GRID1: variants seen among roughly 807,000 people sequenced by gnomAD.
GRID1 encodes glutamate ionotropic receptor delta type subunit 1.
A neutral mutation model predicts 98.0 loss-of-function variants in GRID1; 28 were observed. The ratio of observed to expected loss-of-function variants is 0.29; its 90% CI spans 0.21 to 0.39. GRID1 has a LOEUF of 0.39. Among genes scored for constraint, GRID1 ranks in the 10% least tolerant of loss-of-function variants. The pLI is 1.00. For missense variants in GRID1, 1,111 were observed against 1,340.5 expected (o/e 0.83, Z 2.67); for synonymous variants, 553 against 538.5 (o/e 1.03, Z -0.37).
At position 85,865,942 on chromosome 10, in the gene GRID1, T is replaced by TATAC. The variant is rs1199144734; in HGVS notation, c.951+3067_951+3068insGTAT. Among the ~76,000 whole-genome samples the TATAC allele has an allele frequency of 3.6e-4, 34 of 94,878 alleles. 1 individual carries two copies. The highest frequency in any genetic ancestry group is 2.9e-3 in the East Asian group (9 of 3,054). The allele number at this position is 94,878 out of a possible 152,430, so 62.2% of individuals were successfully genotyped here. A position where few individuals can be genotyped will look rare whatever the true frequency, so the allele number is the denominator to read the frequency against. On this transcript the variant is annotated intron_variant, in intron 6 of 15. Transcript: ENST00000327946. ...ATATATATATATATATATATATATA[T>TATAC]ACACATATATATGGAGAGAGAGAGA...
At chr10:86,025,028 T>G (rs1231057011) in intron 4 of GRID1, among the ~76,000 whole-genome samples, 1 of 152,158 alleles carries the variant, frequency 6.6e-6, no homozygotes, top group Non-Finnish European at 1.5e-5. Flanking sequence ...ACACACATGG[T>G]TTGAAACTGC....
chr10:85,936,524 A>AAG (rs1470889591), intron 4 of GRID1, among the ~76,000 whole-genome samples: 1 of 152,000 alleles, frequency 6.6e-6, no homozygotes, highest in African/African-American at 2.4e-5. Flanking sequence ...AAACTAAAAA[A>AAG]AAAAAAGAAA....
At chr10:85,751,913 AG>A (rs1164309209) in intron 8 of GRID1, among the ~76,000 whole-genome samples, 1 of 152,210 alleles carries the variant, frequency 6.6e-6, no homozygotes, top group Non-Finnish European at 1.5e-5. Context: ...ATGCAAGCCC[AG>A]GGTTGTGAAC....
chr10:85,750,891 C>A (rs1361432784), intron 8 of GRID1, among the ~76,000 whole-genome samples: 2 of 152,134 alleles, frequency 1.3e-5, no homozygotes, highest in African/African-American at 4.8e-5. Flanking sequence ...TTACGGTCCA[C>A]CTCCTGGATA....
intron 4 of GRID1, among the ~76,000 whole-genome samples, chr10:86,080,986 G>A (rs563139068): frequency 3.3e-5 from 5 of 152,238 alleles, no homozygotes; most frequent in African/African-American, 1.2e-4. Context: ...AAAAGCCCCA[G>A]ACACAGAGAG....
intron 12 of GRID1, among the ~76,000 whole-genome samples, chr10:85,657,034 C>T (rs541451008): frequency 3.3e-4 from 50 of 152,166 alleles, no homozygotes; most frequent in Non-Finnish European, 1.5e-4. Flanking sequence ...CTGCTCTCGC[C>T]GTACCAGCCT....
In GRID1 at chr10:86,066,887, G is replaced by A. The variant is rs75243172; in HGVS notation, c.726+71932C>T. On this transcript the variant is annotated intron_variant, in intron 4 of 15. Coordinates refer to ENST00000327946, the MANE Select transcript of GRID1 (RefSeq NM_017551.3). ...CAGCCCAGAACGCTTGGTAGGGGCC[G>A]CGCCGGCACAAGCATCCCATAGGTG... Among the ~76,000 whole-genome samples, 181 of 152,264 alleles carry A rather than the reference G, an allele frequency of 1.2e-3. 1 individual carries two copies. The highest frequency in any genetic ancestry group is 3.9e-3 in the African/African-American group (163 of 41,548).
rs764535932 is a variant in GRID1 at position 86,342,896 on chromosome 10, TAAAGATAAA to T, written c.235+21036_235+21044del. Among the ~76,000 whole-genome samples, 13 of 152,374 alleles carry T rather than the reference TAAAGATAAA, an allele frequency of 8.5e-5. 1 individual carries two copies. In the South Asian group the frequency reaches 1.0e-3, roughly 12 times the overall value. The stretch of plus-strand genomic sequence containing the variant: ...GTTCCTGTGAAAAGCACAGGCTCTT[TAAAGATAAA>T]GATCCTGGCGTTCCTTGGTGTATAT... On this transcript the variant is annotated intron_variant, in intron 2 of 15. Coordinates refer to ENST00000327946, the MANE Select transcript of GRID1 (RefSeq NM_017551.3).
intron 2 of GRID1, among the ~76,000 whole-genome samples, chr10:86,335,432 G>A (rs1848208740): frequency 6.6e-6 from 1 of 152,224 alleles, no homozygotes; most frequent in African/African-American, 2.4e-5. Flanking sequence ...CTTCTTTACT[G>A]CAGGACTTCT....
At chr10:86,070,365 T>C (rs545055657) in intron 4 of GRID1, among the ~76,000 whole-genome samples, 1 of 152,270 alleles carries the variant, frequency 6.6e-6, no homozygotes, top group South Asian at 2.1e-4. Flanking sequence ...CCCAGCCCCA[T>C]CTCTACCAGA....
chr10:85,961,699 T>C (rs1327466266), intron 4 of GRID1, among the ~76,000 whole-genome samples: 1 of 151,734 alleles, frequency 6.6e-6, no homozygotes, highest in African/African-American at 2.4e-5. Context: ...CTTCCCTGCT[T>C]CTTTCCCTCC....
chr10:86,133,210 C>T (rs1395161092), intron 4 of GRID1, among the ~76,000 whole-genome samples: 1 of 152,148 alleles, frequency 6.6e-6, no homozygotes, highest in Non-Finnish European at 1.5e-5. Context: ...TGCACAGGTG[C>T]ATGTGTTTGT....
At chr10:86,197,632 C>T (rs1845895360) in intron 3 of GRID1, among the ~76,000 whole-genome samples, 1 of 152,026 alleles carries the variant, frequency 6.6e-6, no homozygotes, top group Non-Finnish European at 1.5e-5. Flanking sequence ...AGTTCTTGCT[C>T]CCTCAACTCC....
At chr10:86,116,734 A>G (rs532679762) in intron 4 of GRID1, among the ~76,000 whole-genome samples, 1 of 152,206 alleles carries the variant, frequency 6.6e-6, no homozygotes, top group African/African-American at 2.4e-5. Flanking sequence ...GGAGAGGAGC[A>G]CCAGCAGCCT....
At chr10:86,016,565 C>T (rs1020222922) in intron 4 of GRID1, among the ~76,000 whole-genome samples, 1 of 152,158 alleles carries the variant, frequency 6.6e-6, no homozygotes. Context: ...TCACTCCTAT[C>T]CCCCAGCAGC....
At chr10:86,266,364 G>T (rs1266102995) in intron 2 of GRID1, among the ~76,000 whole-genome samples, 1 of 152,086 alleles carries the variant, frequency 6.6e-6, no homozygotes, top group South Asian at 2.1e-4. Context: ...CGGCATCCCT[G>T]CCTACCCCCA....
At chr10:85,674,736 G>GCATAAATCC (rs1481805632) in intron 12 of GRID1, among the ~76,000 whole-genome samples, 1 of 151,074 alleles carries the variant, frequency 6.6e-6, no homozygotes, top group Non-Finnish European at 1.5e-5. Flanking sequence ...TTGGTGTGCA[G>GCATAAATCC]CATAAATCCA....
intron 4 of GRID1, among the ~76,000 whole-genome samples, chr10:86,028,119 GTGTGTGTGGCTCTAAAGC>G (rs1250536481): frequency 6.6e-6 from 1 of 152,176 alleles, no homozygotes; most frequent in Non-Finnish European, 1.5e-5. Context: ...CACCCACCAG[GTGTGTGTGGCTCTAAAGC>G]TGCCTCCTGC....
chr10:86,358,944 G>A (rs1848567791), intron 2 of GRID1, among the ~76,000 whole-genome samples: 1 of 152,040 alleles, frequency 6.6e-6, no homozygotes, highest in African/African-American at 2.4e-5. Flanking sequence ...CTTGAAAATG[G>A]AGGAAAGGGC....
Sources: allele counts gnomAD v4.1 joint callset (sites outside exome capture counted in the v4.1 genomes callset), GRCh38; gene constraint gnomAD v4.1.1; transcripts MANE v1.5; gene names NCBI Gene and HGNC (gene_info 2026-07-23, HGNC 2026-07-21).